Variants in TBC1D19 observed in about 807,000 individuals in gnomAD.
TBC1D19 encodes TBC1 domain family, member 19.
TBC1D19 carries 60 observed loss-of-function variants against 89.0 expected under a neutral mutation model. That is an observed-to-expected ratio of 0.67 (90% CI 0.55 to 0.84). TBC1D19 has a LOEUF of 0.84. Among genes scored for constraint, TBC1D19 ranks in the 40% least tolerant of loss-of-function variants. The probability of loss-of-function intolerance (pLI) is 0.00; values close to 1 mark genes in which losing one functional copy is unlikely to be tolerated. For synonymous variants in TBC1D19, 189 were observed against 199.7 expected (o/e 0.95, Z 0.45); for missense variants, 500 against 610.8 (o/e 0.82, Z 1.91).
At chr4:26,735,143 CATATGT>C (rs1717962042) in intron 15 of TBC1D19, among the ~76,000 whole-genome samples, 1 of 151,098 alleles carries the variant, frequency 6.6e-6, no homozygotes, top group Admixed American at 6.6e-5. Flanking sequence ...TTTGTATACA[CATATGT>C]GTGTATGTGT....
rs1257040944 is a variant in TBC1D19 at position 26,584,278 on chromosome 4, G to C, written c.85G>C (p.Glu29Gln). ...LKGSNLYSQL[E>Q]RQAWASLQRP... is the part of the protein sequence containing the mutation. ...GGGCTCCAATTTGTACTCTCAGCTG[G>C]AACGGCAGGCCTGGGTAAGTGAGGC... Residue 29 changes from glutamate to glutamine, a missense_variant, in exon 1 of 21, where the codon GAA (glutamate) becomes CAA (glutamine). By Grantham distance (29) the Glu-to-Gln change is conservative. Coordinates refer to ENST00000264866, the MANE Select transcript of TBC1D19 (RefSeq NM_018317.4). 6.2e-7 allele frequency: 1 copy of C among 1,611,004 alleles called. No individual in the cohort carries two copies. The highest frequency in any genetic ancestry group is 8.5e-7 in the Non-Finnish European group (1 of 1,178,946).
the TBC1D19 span, among the ~76,000 whole-genome samples, chr4:26,808,748 A>G: frequency 6.9e-6 from 1 of 144,704 alleles, no homozygotes; most frequent in Admixed American, 7.0e-5. Context: ...AAAAAAAAAG[A>G]AAAAGAAAAA....
intron 17 of TBC1D19, chr4:26,740,594 C>A (rs1578006882): frequency 2.2e-6 from 2 of 930,118 alleles, no homozygotes; most frequent in East Asian, 2.3e-4. Context: ...ACATTTTAAT[C>A]TGTTCTCTTT....
chr4:26,639,981 CATTTTA>C (rs1303521617), intron 6 of TBC1D19, among the ~76,000 whole-genome samples, 154 bp from the exon 7 acceptor site: 2 of 152,120 alleles, frequency 1.3e-5, no homozygotes, highest in African/African-American at 4.8e-5. Context: ...ATTGTCTTTT[CATTTTA>C]ATGTTCTCTG....
At chr4:26,788,326 T>TA in the TBC1D19 span, among the ~76,000 whole-genome samples, 1 of 152,150 alleles carries the variant, frequency 6.6e-6, no homozygotes, top group South Asian at 2.1e-4. Context: ...GCAAGAGCAT[T>TA]AGAGCTGAAA....
chr4:26,836,003 C>T, the TBC1D19 span, among the ~76,000 whole-genome samples: 1 of 151,222 alleles, frequency 6.6e-6, no homozygotes, highest in East Asian at 1.9e-4. Context: ...CTCTCTCTCT[C>T]TCTATCACTT....
chr4:26,676,171 A>G (rs981083381), intron 11 of TBC1D19, among the ~76,000 whole-genome samples: 1 of 152,146 alleles, frequency 6.6e-6, no homozygotes. Flanking sequence ...GGTTCTTACA[A>G]CCTTACATTG....
At chr4:26,778,308 C>T in the TBC1D19 span, among the ~76,000 whole-genome samples, 70 of 151,730 alleles carry the variant, frequency 4.6e-4, no homozygotes, top group African/African-American at 1.5e-3. Flanking sequence ...CCCAGCTACT[C>T]GGGAGGCTGA....
the TBC1D19 span, among the ~76,000 whole-genome samples, chr4:26,781,695 T>C: frequency 4.3e-4 from 66 of 152,358 alleles, no homozygotes; most frequent in African/African-American, 1.5e-3. Context: ...CCAAATAGTT[T>C]CAAAGATTAG....
chr4:26,834,018 C>T, the TBC1D19 span, among the ~76,000 whole-genome samples: 9 of 152,284 alleles, frequency 5.9e-5, no homozygotes, highest in Non-Finnish European at 1.2e-4. Flanking sequence ...GGCAGAGTTA[C>T]CCCTGTTGTT....
chr4:26,678,375 C>G (rs185458836), intron 11 of TBC1D19, among the ~76,000 whole-genome samples: 64 of 152,266 alleles, frequency 4.2e-4, no homozygotes, highest in African/African-American at 1.4e-3. Context: ...GGATGTGCAT[C>G]CTGGAAACAG....
At chr4:26,843,722 C>T in the TBC1D19 span, among the ~76,000 whole-genome samples, 1 of 152,054 alleles carries the variant, frequency 6.6e-6, no homozygotes, top group African/African-American at 2.4e-5. Context: ...GTACCCTAGA[C>T]CAGGTAATTT....
chr4:26,786,203 G>A, the TBC1D19 span, among the ~76,000 whole-genome samples: 1 of 152,184 alleles, frequency 6.6e-6, no homozygotes, highest in African/African-American at 2.4e-5. Context: ...TTGCTCCTGG[G>A]ACGTGGCTGC....
chr4:26,700,752 A>G (rs1254603350), intron 13 of TBC1D19, among the ~76,000 whole-genome samples: 1 of 152,146 alleles, frequency 6.6e-6, no homozygotes, highest in African/African-American at 2.4e-5. Context: ...AAGAATAGTT[A>G]TATTGTCTTT....
rs181009562 is a variant in TBC1D19 at position 26,652,699 on chromosome 4, G to T, written c.481-6898G>T. ...TCTGATGGTAGTTTGTATTTCTGTG[G>T]GATCAGTGGTCATATCCCCTTTATC... On this transcript the variant is annotated intron_variant, in intron 7 of 20. Transcript: ENST00000264866. Among the ~76,000 whole-genome samples, 15 of 152,218 alleles carry T rather than the reference G, an allele frequency of 9.9e-5. No individual in the cohort carries two copies. In the East Asian group the frequency reaches 2.7e-3, roughly 27 times the overall value.
intron 13 of TBC1D19, among the ~76,000 whole-genome samples, chr4:26,699,409 T>C (rs1715113957): frequency 6.6e-6 from 1 of 152,224 alleles, no homozygotes; most frequent in Non-Finnish European, 1.5e-5. Flanking sequence ...TTTTACACTG[T>C]TGGTGGGACT....
At chr4:26,710,647 A>G (rs900235796) in intron 13 of TBC1D19, among the ~76,000 whole-genome samples, 1 of 152,212 alleles carries the variant, frequency 6.6e-6, no homozygotes, top group Non-Finnish European at 1.5e-5. Context: ...CAGTCCCACC[A>G]ACAGTGTAAA....
At chr4:26,712,349 T>G (rs1716255862) in intron 13 of TBC1D19, among the ~76,000 whole-genome samples, 1 of 152,034 alleles carries the variant, frequency 6.6e-6, no homozygotes, top group South Asian at 2.1e-4. Context: ...TCTTGCCATT[T>G]ATAGAACCTA....
At chr4:26,854,020 A>G in the TBC1D19 span, among the ~76,000 whole-genome samples, 1 of 152,216 alleles carries the variant, frequency 6.6e-6, no homozygotes, top group South Asian at 2.1e-4. Flanking sequence ...ACACATTCTG[A>G]AACACCTTTG....
Sources: allele counts gnomAD v4.1 joint callset (sites outside exome capture counted in the v4.1 genomes callset), GRCh38; gene constraint gnomAD v4.1.1; transcripts MANE v1.5; gene names NCBI Gene and HGNC (gene_info 2026-07-23, HGNC 2026-07-21).